The following SEC24A variants were observed in gnomAD, a reference collection of about 807,000 sequenced individuals.
The protein encoded by SEC24A is SEC24 homolog A, COPII component.
Under a neutral mutation model 129.4 loss-of-function variants are expected in SEC24A, and 93 were observed. The observed-to-expected ratio is 0.72, with a 90% CI of 0.61 to 0.85. The LOEUF is 0.85. SEC24A is among the 40% of genes least tolerant of loss of function. SEC24A has a pLI of 0.00. For missense variants in SEC24A, 1,264 were observed against 1,307.4 expected (o/e 0.97, Z 0.51); for synonymous variants, 460 against 467.3 (o/e 0.98, Z 0.20).
rs533300770 is a variant in SEC24A, at chr5:134,656,381, A to T, written c.98-4738A>T. 3.7e-4 allele frequency among the ~76,000 whole-genome samples: 56 copies of T among 151,760 alleles called. No homozygotes were observed. In the South Asian group the frequency reaches 4.4e-3, roughly 12 times the overall value. ...GCCTGAGCCACCGCGCCCAGCGCAG[A>T]TAAATATCTTTATACTGGACATCTC... is the stretch of plus-strand genomic sequence containing the variant. On this transcript the variant is annotated intron_variant, in intron 1 of 22. Coordinates refer to ENST00000398844, the MANE Select transcript of SEC24A (RefSeq NM_021982.3).
At chr5:134,685,224 TGTG>T (rs1751410451) in intron 9 of SEC24A, among the ~76,000 whole-genome samples, 1 of 151,954 alleles carries the variant, frequency 6.6e-6, no homozygotes, top group South Asian at 2.1e-4. Flanking sequence ...TTTCAGGAAT[TGTG>T]GTGTGTGCTT....
At chr5:134,705,601 T>C (rs1413016269) in intron 17 of SEC24A, among the ~76,000 whole-genome samples, 164 bp downstream of exon 17, 2 of 152,176 alleles carry the variant, frequency 1.3e-5, no homozygotes, top group Non-Finnish European at 2.9e-5. Flanking sequence ...GATAATCTTA[T>C]CTTTTTTGTT....
chr5:134,685,883 G>C (rs1367373147), intron 9 of SEC24A, among the ~76,000 whole-genome samples: 5 of 152,032 alleles, frequency 3.3e-5, no homozygotes, highest in African/African-American at 7.2e-5. Context: ...CAGCTACTCA[G>C]GAGGCTGAGG....
intron 7 of SEC24A, among the ~76,000 whole-genome samples, chr5:134,678,480 A>C: frequency 6.6e-6 from 1 of 151,210 alleles, no homozygotes; most frequent in Non-Finnish European, 1.5e-5. Context: ...TTTTTGGTAG[A>C]GATGGGCTGT....
intron 2 of SEC24A, 34 bp downstream of exon 2, chr5:134,661,620 A>G (rs1376993414): frequency 1.3e-6 from 2 of 1,490,478 alleles, no homozygotes; most frequent in African/African-American, 2.8e-5. Flanking sequence ...AAAATGTAGA[A>G]ATGTGAAACT....
chr5:134,709,576 A>C (rs925760912), intron 18 of SEC24A, among the ~76,000 whole-genome samples: 1 of 152,188 alleles, frequency 6.6e-6, no homozygotes, highest in Non-Finnish European at 1.5e-5. Flanking sequence ...AAACACACGG[A>C]AGCAGAAAGC....
In SEC24A at chr5:134,690,861, G is replaced by A. The variant is rs1314394573; in HGVS notation, c.1724-1741G>A. ...TTTGTTTTGTGTTTTTGGAGACAGA[G>A]TCTTGCTTTGTTGCCCAGGCTGCAG... On this transcript the variant is annotated intron_variant, in intron 11 of 22. Transcript: ENST00000398844. Among the ~76,000 whole-genome samples, 3 of 152,300 alleles carry A rather than the reference G, an allele frequency of 2.0e-5. No homozygotes were observed. In the East Asian group the frequency reaches 5.8e-4, roughly 29 times the overall value.
At chr5:134,674,326 C>T (rs755484017) in intron 4 of SEC24A, among the ~76,000 whole-genome samples, 6 of 151,980 alleles carry the variant, frequency 3.9e-5, no homozygotes, top group South Asian at 4.1e-4. Context: ...TGGTGGCCTA[C>T]GCCTGTAATC....
Position 134,666,924 on chromosome 5 carries a change from GC to G in SEC24A, c.670del (p.Leu224SerfsTer4). On this transcript the variant is annotated frameshift_variant, in exon 3 of 23. Transcript: ENST00000398844. LOFTEE classifies it high-confidence loss of function. ...AGCTGGAGGCCCACCCCCAGTGAGG[GC>G]CCTCACGCCCCTGACATCATCATAT... ...PPAGGPPPVR[A>X]LTPLTSSYRD... The G allele has an allele frequency of 6.2e-7, 1 of 1,613,822 alleles. No individual in the cohort carries two copies. The highest frequency in any genetic ancestry group is 1.1e-5 in the South Asian group (1 of 91,068).
Position 134,661,533 on chromosome 5 carries a change from A to G in SEC24A, c.512A>G (p.His171Arg). ...VSGNTSLTTN[H>R]QYVSSGYPSL... is the part of the protein sequence containing the mutation. ...GGAAATACAAGTTTAACCACAAATC[A>G]TCAATATGTTTCTTCTGGATATCCT... Residue 171 changes from histidine (H) to arginine (R), a missense_variant, in exon 2 of 23, where the codon CAT (histidine) becomes CGT (arginine). His to Arg is a conservative substitution (Grantham distance 29, BLOSUM62 0). Coordinates refer to ENST00000398844, the MANE Select transcript of SEC24A (RefSeq NM_021982.3). The G allele has an allele frequency of 6.2e-7, 1 of 1,614,142 alleles. No individual in the cohort carries two copies. Among genetic ancestry groups the G allele is most frequent in the Non-Finnish European group, 8.5e-7 (1 of 1,179,980 alleles).
In SEC24A at chr5:134,675,184, A is replaced by G. The variant is rs371999264; in HGVS notation, c.1118A>G (p.His373Arg). The change falls in exon 6 of 23, where the codon CAT becomes CGT. Residue 373 changes from histidine to arginine, a missense_variant. Coordinates refer to ENST00000398844, the MANE Select transcript of SEC24A (RefSeq NM_021982.3). ...TTGAAGCCTCCAGTTCCAAATTTGC[A>G]TGAAGACATCCAGAAACTCAACTGT... ...TPLKPPVPNL[H>R]EDIQKLNCNP... 32 of 1,612,956 alleles carry G rather than the reference A, an allele frequency of 2.0e-5. No individual in the cohort carries two copies. Among genetic ancestry groups the G allele is most frequent in the African/African-American group, 5.3e-5 (4 of 74,922 alleles).
In SEC24A at chr5:134,674,673, T is replaced by A; in HGVS notation, c.876T>A (p.Tyr292Ter). 6.2e-7 allele frequency: 1 copy of A among 1,613,988 alleles called. No homozygotes were observed. Among genetic ancestry groups the A allele is most frequent in the Non-Finnish European group, 8.5e-7 (1 of 1,179,888 alleles). The change falls in exon 5 of 23, where the codon TAT becomes TAA. Residue 292 changes from tyrosine to a stop codon, truncating the protein, a stop_gained. Transcript: ENST00000398844. LOFTEE classifies it high-confidence loss of function. ...PKMSRSVGYS[Y>*]PSLPPGYQNT... ...TGAGCCGAAGTGTTGGATATTCATA[T>A]CCCTCCTTACCACCTGGTTATCAGA...
intron 21 of SEC24A, 63 bp downstream of exon 21, chr5:134,721,153 C>T: frequency 2.1e-6 from 2 of 941,016 alleles, no homozygotes; most frequent in Non-Finnish European, 3.4e-6. Flanking sequence ...ACATGAATAT[C>T]CCCTATTTTG....
chr5:134,717,997 T>A (rs1178276554), intron 19 of SEC24A, 72 bp from the exon 20 acceptor site: 1 of 1,112,160 alleles, frequency 9.0e-7, no homozygotes, highest in East Asian at 2.4e-5. Context: ...TCATTTAATT[T>A]TTTGTTGTTG....
In SEC24A at chr5:134,708,904, A is replaced by G; in HGVS notation, c.2727+16A>G. ...CCTTAAACAGGTAAGAAAAACAGAT[A>G]TAGAAACTAACACAATGATGGCCAG... On this transcript the variant is annotated intron_variant, in intron 18 of 22. Coordinates refer to ENST00000398844, the MANE Select transcript of SEC24A (RefSeq NM_021982.3). The G allele has an allele frequency of 6.2e-7, 1 of 1,609,042 alleles. No individual in the cohort carries two copies. The highest frequency in any genetic ancestry group is 2.2e-5 in the East Asian group (1 of 44,842).
At chr5:134,678,489 G>A (rs1751145338) in intron 7 of SEC24A, among the ~76,000 whole-genome samples, 1 of 151,132 alleles carries the variant, frequency 6.6e-6, no homozygotes, top group African/African-American at 2.4e-5. Flanking sequence ...GAGATGGGCT[G>A]TTGCTGTGTT....
chr5:134,694,240 A>G (rs543571822), intron 13 of SEC24A, among the ~76,000 whole-genome samples: 1 of 152,082 alleles, frequency 6.6e-6, no homozygotes, highest in Non-Finnish European at 1.5e-5. Context: ...GAATAGTCTT[A>G]TTTGGCTGGG....
chr5:134,662,851 T>C (rs1394546754), intron 2 of SEC24A, among the ~76,000 whole-genome samples: 4 of 152,134 alleles, frequency 2.6e-5, no homozygotes, highest in African/African-American at 4.8e-5. Context: ...GTGGCACACA[T>C]CAATCACTTG....
chr5:134,690,717 G>A (rs527653281), intron 11 of SEC24A, among the ~76,000 whole-genome samples: 2 of 152,306 alleles, frequency 1.3e-5, no homozygotes, highest in South Asian at 4.1e-4. Flanking sequence ...CCTTTCTAAG[G>A]AAGAATTCCT....
Sources: allele counts gnomAD v4.1 joint callset (sites outside exome capture counted in the v4.1 genomes callset), GRCh38; gene constraint gnomAD v4.1.1; transcripts MANE v1.5; gene names NCBI Gene and HGNC (gene_info 2026-07-23, HGNC 2026-07-21).